Variants in RNF130 observed in about 807,000 individuals in gnomAD.
RNF130 encodes the protein E3 ubiquitin-protein ligase RNF130.
A neutral mutation model predicts 44.6 loss-of-function variants in RNF130; 21 were observed. That is an observed-to-expected ratio of 0.47 (90% CI 0.33 to 0.68). The LOEUF (loss-of-function observed/expected upper bound fraction) is 0.68. Ranked by LOEUF, RNF130 falls within the 30% of genes least tolerant of loss-of-function variation. The probability of loss-of-function intolerance (pLI) is 0.02; values close to 1 mark genes in which losing one functional copy is unlikely to be tolerated. For missense variants in RNF130, 479 were observed against 560.6 expected (o/e 0.85, Z 1.47); for synonymous variants, 214 against 210.4 (o/e 1.02, Z -0.15).
intron 3 of RNF130, among the ~76,000 whole-genome samples, chr5:180,011,018 A>G (rs1763582460): frequency 1.3e-5 from 2 of 152,230 alleles, no homozygotes; most frequent in Admixed American, 1.3e-4. Flanking sequence ...ACAAGGAGAA[A>G]TGAGTGAAGG....
At chr5:180,040,916 T>C (rs537523042) in intron 1 of RNF130, among the ~76,000 whole-genome samples, 19 of 152,252 alleles carry the variant, frequency 1.2e-4, no homozygotes, top group East Asian at 5.8e-4. Context: ...AAAAAAGGAC[T>C]GATAATATCC....
chr5:179,937,691 C>G (rs958010331), intron 7 of RNF130, among the ~76,000 whole-genome samples: 3 of 152,128 alleles, frequency 2.0e-5, no homozygotes. Flanking sequence ...AGCAATTCCA[C>G]TGCTAGGTAT....
At chr5:180,032,666 T>C (rs1197332211) in intron 2 of RNF130, among the ~76,000 whole-genome samples, 3 of 152,210 alleles carry the variant, frequency 2.0e-5, no homozygotes, top group Middle Eastern at 3.2e-3. Flanking sequence ...TATTTCTAGA[T>C]TCTCAATTTG....
intron 3 of RNF130, among the ~76,000 whole-genome samples, chr5:180,012,291 C>CA (rs1333454073): frequency 6.6e-6 from 1 of 152,186 alleles, no homozygotes; most frequent in Non-Finnish European, 1.5e-5. Flanking sequence ...CAGCGTTATA[C>CA]AAAAACTGGC....
intron 2 of RNF130, among the ~76,000 whole-genome samples, chr5:180,018,731 GA>G (rs1763800042): frequency 6.6e-6 from 1 of 152,218 alleles, no homozygotes; most frequent in South Asian, 2.1e-4. Flanking sequence ...CCACTGCTCA[GA>G]AAATGCCCAG....
intron 1 of RNF130, among the ~76,000 whole-genome samples, chr5:180,071,091 C>T (rs1765248768): frequency 6.6e-6 from 1 of 152,106 alleles, no homozygotes; most frequent in African/African-American, 2.4e-5. Flanking sequence ...AGGAACCTGC[C>T]GCTTCCAAAA....
chr5:179,946,689 G>A (rs556845902), intron 7 of RNF130, among the ~76,000 whole-genome samples: 1 of 152,100 alleles, frequency 6.6e-6, no homozygotes, highest in African/African-American at 2.4e-5. Flanking sequence ...GAGTAGCTGG[G>A]ACTACAGGCG....
At chr5:180,010,339 A>T (rs2113079540) in intron 3 of RNF130, among the ~76,000 whole-genome samples, 1 of 150,224 alleles carries the variant, frequency 6.7e-6, no homozygotes, top group African/African-American at 2.4e-5. Flanking sequence ...TACATACTAT[A>T]TGATTCCACC....
intron 7 of RNF130, among the ~76,000 whole-genome samples, chr5:179,933,047 T>C (rs1056492767): frequency 6.6e-6 from 1 of 151,846 alleles, no homozygotes; most frequent in African/African-American, 2.4e-5. Flanking sequence ...TACAAAGAAA[T>C]AGAGCGCAGA....
chr5:179,983,903 A>C (rs1762897096), intron 3 of RNF130, among the ~76,000 whole-genome samples: 1 of 152,158 alleles, frequency 6.6e-6, no homozygotes, highest in African/African-American at 2.4e-5. Context: ...TGCTATGGAA[A>C]ATGGGATTTC....
chr5:180,016,631 C>G (rs1397912157), intron 2 of RNF130, among the ~76,000 whole-genome samples: 1 of 152,186 alleles, frequency 6.6e-6, no homozygotes, highest in East Asian at 1.9e-4. Flanking sequence ...TGAGAAACTT[C>G]CCCCACTGTT....
chr5:179,928,714 CGCCTCCTGGGTTCATGCCATTCTCCT>C (rs879735654), intron 7 of RNF130, among the ~76,000 whole-genome samples: 4 of 151,864 alleles, frequency 2.6e-5, no homozygotes, highest in Non-Finnish European at 5.9e-5. Context: ...CTGCAAGCCC[CGCCTCCTGGGTTCATGCCATTCTCCT>C]GCCTCAGCCT....
At chr5:179,943,998 G>C (rs1762000255) in intron 7 of RNF130, among the ~76,000 whole-genome samples, 1 of 150,118 alleles carries the variant, frequency 6.7e-6, no homozygotes, top group African/African-American at 2.5e-5. Context: ...TTGAGACGGA[G>C]TCTTGCTCTG....
At chr5:180,048,261 CA>C (rs2113154801) in intron 1 of RNF130, among the ~76,000 whole-genome samples, 1 of 152,242 alleles carries the variant, frequency 6.6e-6, no homozygotes, top group Non-Finnish European at 1.5e-5. Context: ...AACTGGTTTA[CA>C]TGGAAGGGGC....
At chr5:180,027,275 T>C (rs1293285345) in intron 2 of RNF130, among the ~76,000 whole-genome samples, 1 of 152,098 alleles carries the variant, frequency 6.6e-6, no homozygotes, top group Admixed American at 6.5e-5. Context: ...TGAATTTCTG[T>C]AGACAGCACT....
chr5:179,947,776 ATAG>A (rs1171244817), intron 7 of RNF130, among the ~76,000 whole-genome samples: 8 of 152,236 alleles, frequency 5.3e-5, no homozygotes, highest in African/African-American at 1.9e-4. Context: ...ATGTAAGTAT[ATAG>A]TAGGTATACA....
chr5:179,977,781 G>A lies in RNF130; in HGVS notation c.848+422C>T, dbSNP rs921045514. Among the ~76,000 whole-genome samples the A allele has an allele frequency of 3.9e-5, 6 of 152,220 alleles. No individual in the cohort carries two copies. The highest frequency in any genetic ancestry group is 1.2e-4 in the African/African-American group (5 of 41,464). ...GCAGGAGAATGGCATGAACCCAGGAGGCGGAGCTTGCAGTGAGCCGAGATT... is the reference window on the plus strand; with the variant it reads ...GCAGGAGAATGGCATGAACCCAGGAAGCGGAGCTTGCAGTGAGCCGAGATT... On this transcript the variant is annotated intron_variant, in intron 5 of 8. Transcript: ENST00000521389. This position sits in a 1 kb window ranked among gnomAD's most constrained non-coding sequence, Gnocchi z 4.1.
At chr5:180,038,048 T>C (rs1242746428) in intron 2 of RNF130, among the ~76,000 whole-genome samples, 1 of 152,124 alleles carries the variant, frequency 6.6e-6, no homozygotes, top group Non-Finnish European at 1.5e-5. Flanking sequence ...ACAGGGTTTT[T>C]TGTTTAGTTT....
intron 3 of RNF130, among the ~76,000 whole-genome samples, chr5:180,000,293 C>T (rs1763302960): frequency 6.6e-6 from 1 of 152,194 alleles, no homozygotes; most frequent in Non-Finnish European, 1.5e-5. Context: ...TAGGGATTCT[C>T]TTATGTGACT....
Sources: gnomAD v4.1 joint callset for allele counts (sites outside exome capture counted in the v4.1 genomes callset) on GRCh38, gnomAD v4.1.1 for gene constraint, Gnocchi (gnomAD v3.1) non-coding constraint, MANE v1.5 for transcripts, NCBI Gene and HGNC (gene_info 2026-07-23, HGNC 2026-07-21) for gene names.